KCND2: variants seen among roughly 807,000 people sequenced by gnomAD.
KCND2 encodes A-type voltage-gated potassium channel KCND2.
Under a neutral mutation model 54.4 loss-of-function variants are expected in KCND2, and 16 were observed. The observed-to-expected ratio is 0.29, with a 90% CI of 0.20 to 0.45. The LOEUF (loss-of-function observed/expected upper bound fraction) is 0.45, where lower values mean the gene tolerates loss of function less well. KCND2 is among the 20% of genes least tolerant of loss of function. The pLI is 1.00. For synonymous variants in KCND2, 317 were observed against 310.7 expected (o/e 1.02, Z -0.21); for missense variants, 486 against 824.2 (o/e 0.59, Z 5.02).
At chr7:120,542,962 A>G (rs1365419620) in intron 1 of KCND2, among the ~76,000 whole-genome samples, 5 of 152,052 alleles carry the variant, frequency 3.3e-5, no homozygotes, top group African/African-American at 1.2e-4. Context: ...ACGGAAAGTC[A>G]ATTTTGGTAA....
At chr7:120,328,477 T>C (rs1475069654) in intron 1 of KCND2, among the ~76,000 whole-genome samples, 1 of 152,136 alleles carries the variant, frequency 6.6e-6, no homozygotes, top group Non-Finnish European at 1.5e-5. Flanking sequence ...AATATCAAAG[T>C]TGACAGTTTA....
At chr7:120,345,557 G>T (rs1233394023) in intron 1 of KCND2, among the ~76,000 whole-genome samples, 1 of 151,924 alleles carries the variant, frequency 6.6e-6, no homozygotes, top group African/African-American at 2.4e-5. Flanking sequence ...CCTCCTCCCC[G>T]ACTCCCTGGC....
At chr7:120,455,312 C>G (rs1802179611) in intron 1 of KCND2, among the ~76,000 whole-genome samples, 1 of 152,126 alleles carries the variant, frequency 6.6e-6, no homozygotes, top group African/African-American at 2.4e-5. Context: ...GTAACCAAAA[C>G]AGCATGACAC....
At chr7:120,484,364 A>G (rs1040507389) in intron 1 of KCND2, among the ~76,000 whole-genome samples, 3 of 152,090 alleles carry the variant, frequency 2.0e-5, no homozygotes, top group Non-Finnish European at 4.4e-5. Flanking sequence ...TGTGCTGCTC[A>G]GGCTGGTCCT....
At chr7:120,481,623 C>A (rs1483511690) in intron 1 of KCND2, among the ~76,000 whole-genome samples, 1 of 152,120 alleles carries the variant, frequency 6.6e-6, no homozygotes, top group Non-Finnish European at 1.5e-5. Flanking sequence ...AGGGGTGAGC[C>A]CTGGGTGCCC....
intron 1 of KCND2, among the ~76,000 whole-genome samples, chr7:120,687,647 A>T (rs762380259): frequency 7.8e-4 from 119 of 152,156 alleles, no homozygotes; most frequent in Non-Finnish European, 1.4e-3. Context: ...GGGACCCCAT[A>T]TCTAAAAAGA....
intron 1 of KCND2, among the ~76,000 whole-genome samples, chr7:120,630,672 T>C (rs1487393306): frequency 6.6e-6 from 1 of 152,176 alleles, no homozygotes; most frequent in Admixed American, 6.5e-5. Context: ...ATTAGGGAAT[T>C]CCCAGACCAT....
intron 1 of KCND2, among the ~76,000 whole-genome samples, chr7:120,507,996 TAA>T (rs1224610436): frequency 1.3e-5 from 2 of 151,812 alleles, no homozygotes; most frequent in African/African-American, 4.8e-5. Flanking sequence ...TCTTTAGAGT[TAA>T]GAGGTATTAA....
chr7:120,529,080 A>T (rs1234549050), intron 1 of KCND2, among the ~76,000 whole-genome samples: 1 of 152,194 alleles, frequency 6.6e-6, no homozygotes, highest in Admixed American at 6.5e-5. Flanking sequence ...AGTAACTCTG[A>T]TGAAGGTAGA....
intron 1 of KCND2, among the ~76,000 whole-genome samples, chr7:120,452,749 G>A (rs889164756): frequency 6.6e-6 from 1 of 152,156 alleles, no homozygotes; most frequent in African/African-American, 2.4e-5. Flanking sequence ...GAGCACAGAG[G>A]GTTTGGTGTG....
At chr7:120,410,182 A>G (rs752559735) in intron 1 of KCND2, among the ~76,000 whole-genome samples, 4 of 151,936 alleles carry the variant, frequency 2.6e-5, no homozygotes, top group Non-Finnish European at 4.4e-5. Context: ...CCATTTGTTG[A>G]AAATCAACTG....
intron 1 of KCND2, among the ~76,000 whole-genome samples, chr7:120,290,523 A>T (rs565192881): frequency 8.5e-5 from 13 of 152,088 alleles, no homozygotes; most frequent in Non-Finnish European, 1.3e-4. Flanking sequence ...TATCTGTCCC[A>T]GACCATTCTT....
intron 1 of KCND2, among the ~76,000 whole-genome samples, chr7:120,664,468 AGGG>A (rs1396797385): frequency 6.6e-6 from 1 of 151,998 alleles, no homozygotes; most frequent in Non-Finnish European, 1.5e-5. Context: ...GAAGAAATGA[AGGG>A]AGGAAGGGAG....
At chr7:120,449,072 G>A (rs966232541) in intron 1 of KCND2, among the ~76,000 whole-genome samples, 2 of 152,154 alleles carry the variant, frequency 1.3e-5, no homozygotes, top group Admixed American at 1.3e-4. Context: ...GCTCATGCCT[G>A]TAATCCCAGC....
intron 1 of KCND2, among the ~76,000 whole-genome samples, chr7:120,431,670 A>G (rs1281825846): frequency 6.6e-6 from 1 of 152,178 alleles, no homozygotes; most frequent in African/African-American, 2.4e-5. Flanking sequence ...TTTGTTTCCC[A>G]TACTCCTAAG....
intron 1 of KCND2, among the ~76,000 whole-genome samples, chr7:120,542,707 A>G (rs1345241877): frequency 1.3e-5 from 2 of 152,108 alleles, no homozygotes; most frequent in African/African-American, 4.8e-5. Flanking sequence ...ACAATCTTAC[A>G]TTTTCCAATG....
intron 1 of KCND2, among the ~76,000 whole-genome samples, chr7:120,680,475 T>C (rs1158541977): frequency 6.6e-6 from 1 of 152,130 alleles, no homozygotes; most frequent in Non-Finnish European, 1.5e-5. Context: ...AGAGAATGCA[T>C]AACAAATATT....
At chr7:120,285,445 T>C (rs963448666) in intron 1 of KCND2, among the ~76,000 whole-genome samples, 3 of 152,010 alleles carry the variant, frequency 2.0e-5, no homozygotes, top group African/African-American at 7.2e-5. Flanking sequence ...GTCTATTTTA[T>C]TAGAACATTA....
chr7:120,539,758 G>A (rs910775571), intron 1 of KCND2, among the ~76,000 whole-genome samples: 1 of 151,850 alleles, frequency 6.6e-6, no homozygotes, highest in African/African-American at 2.4e-5. Context: ...ATTTTTTGTG[G>A]CAAAAGCACA....
Sources: gnomAD v4.1 joint callset for allele counts (sites outside exome capture counted in the v4.1 genomes callset) on GRCh38, gnomAD v4.1.1 for gene constraint, MANE v1.5 for transcripts, NCBI Gene and HGNC (gene_info 2026-07-23, HGNC 2026-07-21) for gene names.